The following TYW1 variants were observed in gnomAD, a reference collection of about 807,000 sequenced individuals.
TYW1 encodes the protein S-adenosyl-L-methionine-dependent tRNA 4-demethylwyosine synthase TYW1.
Under a neutral mutation model 96.2 loss-of-function variants are expected in TYW1, and 46 were observed. That is an observed-to-expected ratio of 0.48 (90% CI 0.38 to 0.61). TYW1 has a LOEUF of 0.61. Ranked by LOEUF, TYW1 falls within the 20% of genes least tolerant of loss-of-function variation. TYW1 has a pLI of 0.00. For missense variants in TYW1, 684 were observed against 909.6 expected (o/e 0.75, Z 3.19); for synonymous variants, 274 against 323.0 (o/e 0.85, Z 1.63).
At chr7:67,074,877 G>A (rs1796155754) in intron 10 of TYW1, among the ~76,000 whole-genome samples, 1 of 151,986 alleles carries the variant, frequency 6.6e-6, no homozygotes, top group Non-Finnish European at 1.5e-5. Flanking sequence ...CTGTCACCCA[G>A]GCTGGAGTGC....
intron 5 of TYW1, among the ~76,000 whole-genome samples, chr7:67,015,531 T>C (rs1793985877): frequency 6.6e-6 from 1 of 152,044 alleles, no homozygotes; most frequent in Admixed American, 6.6e-5. Context: ...TTTCAATTTT[T>C]TTAGAGATGA....
rs182955504 is a variant in TYW1, at chr7:67,082,730, T to C, written c.1275-700T>C. Among the ~76,000 whole-genome samples the C allele has an allele frequency of 3.9e-5, 6 of 152,238 alleles. No homozygotes were observed. In the East Asian group the frequency reaches 1.2e-3, roughly 29 times the overall value. ...TCTGTCTTGGGGGTGGTCTCCTTGC[T>C]GTACTGCGCTGCCTGTTTTTTTGGA... On this transcript the variant is annotated intron_variant, in intron 10 of 15. Transcript: ENST00000359626.
intron 3 of TYW1, among the ~76,000 whole-genome samples, chr7:67,007,351 G>A (rs1793634230): frequency 6.6e-6 from 1 of 152,074 alleles, no homozygotes; most frequent in Non-Finnish European, 1.5e-5. Context: ...TGACTGTAGA[G>A]TGTACCTTCC....
At position 67,085,926 on chromosome 7, in the gene TYW1, C is replaced by T. The variant is rs902394664; in HGVS notation, c.1384+2387C>T. Reference sequence around the variant, plus strand: ...CAAAGGTTGCAGTGAGCTGAGTTCACACTCCACTGGACTCCAGCCTGGGTG... The same window carrying T: ...CAAAGGTTGCAGTGAGCTGAGTTCATACTCCACTGGACTCCAGCCTGGGTG... On this transcript the variant is annotated intron_variant, in intron 11 of 15. Transcript: ENST00000359626. Among the ~76,000 whole-genome samples the T allele has an allele frequency of 7.2e-5, 11 of 151,726 alleles. No individual in the cohort carries two copies. In the South Asian group the frequency reaches 1.0e-3, roughly 14 times the overall value.
At chr7:67,228,545 G>T (rs558823040) in intron 15 of TYW1, among the ~76,000 whole-genome samples, 83 of 152,254 alleles carry the variant, frequency 5.5e-4, no homozygotes, top group African/African-American at 1.9e-3. Context: ...TTTCCTAAAG[G>T]TTCTGACCAT....
intron 13 of TYW1, among the ~76,000 whole-genome samples, chr7:67,149,050 G>A (rs536597921): frequency 1.3e-3 from 191 of 152,162 alleles, no homozygotes; most frequent in African/African-American, 4.3e-3. Context: ...ATTTTACCCC[G>A]TTACCAAGTA....
chr7:67,083,723 A>G (rs563560633), intron 11 of TYW1, among the ~76,000 whole-genome samples, 184 bp downstream of exon 11: 1 of 152,328 alleles, frequency 6.6e-6, no homozygotes, highest in African/African-American at 2.4e-5. Flanking sequence ...CATATGATGG[A>G]AGAACTAAAA....
intron 15 of TYW1, among the ~76,000 whole-genome samples, chr7:67,201,738 CT>C (rs199818844): frequency 0.04 from 6,046 of 152,218 alleles, 177 homozygotes; most frequent in Middle Eastern, 0.088. Context: ...ATCCAAAATG[CT>C]TTGAAATTAA....
intron 8 of TYW1, among the ~76,000 whole-genome samples, chr7:67,054,554 A>T (rs1795452937): frequency 6.6e-6 from 1 of 152,238 alleles, no homozygotes; most frequent in Non-Finnish European, 1.5e-5. Flanking sequence ...AGAAGAGGAT[A>T]CAAGACAAAG....
At chr7:67,188,827 T>C (rs1367986341) in intron 14 of TYW1, among the ~76,000 whole-genome samples, 4 of 152,170 alleles carry the variant, frequency 2.6e-5, no homozygotes, top group Non-Finnish European at 5.9e-5. Flanking sequence ...TTCACAGATA[T>C]GCCTGGAGCT....
intron 12 of TYW1, among the ~76,000 whole-genome samples, chr7:67,112,299 A>G (rs1251083350): frequency 1.3e-5 from 2 of 152,032 alleles, no homozygotes; most frequent in Non-Finnish European, 2.9e-5. Flanking sequence ...TAGTTCTACA[A>G]TAAAGTATGC....
At chr7:67,138,198 C>T (rs34126698) in intron 13 of TYW1, among the ~76,000 whole-genome samples, 4 of 152,176 alleles carry the variant, frequency 2.6e-5, no homozygotes, top group African/African-American at 7.2e-5. Flanking sequence ...GGGAATAGTG[C>T]GTATTGAACT....
rs576113163 is a variant in TYW1 at position 66,996,878 on chromosome 7, C to G, written c.-101C>G. 29 of 1,592,068 alleles carry G rather than the reference C, an allele frequency of 1.8e-5. No homozygotes were observed. Among genetic ancestry groups the G allele is most frequent in the South Asian group, 5.6e-5 (5 of 88,654 alleles). ...CACAGGTCTGCAGGCACTCGGTACG[C>G]CGCTAACGCGGCGAGGTAGCTCGGT... On this transcript the variant is annotated 5_prime_UTR_variant, in exon 1 of 16. Transcript: ENST00000359626.
intron 13 of TYW1, among the ~76,000 whole-genome samples, chr7:67,126,342 A>G (rs1482069495): frequency 6.6e-6 from 1 of 151,360 alleles, no homozygotes; most frequent in Non-Finnish European, 1.5e-5. Context: ...TCATTTTCTT[A>G]TTGTTGAGAT....
At chr7:67,166,326 A>T (rs1170646884) in intron 13 of TYW1, among the ~76,000 whole-genome samples, 1 of 120,210 alleles carries the variant, frequency 8.3e-6, no homozygotes, top group Admixed American at 7.9e-5. Flanking sequence ...AATATATAAC[A>T]TATATAATAT....
chr7:67,160,029 C>T (rs1479983988), intron 13 of TYW1, among the ~76,000 whole-genome samples: 2 of 152,228 alleles, frequency 1.3e-5, no homozygotes, highest in East Asian at 3.9e-4. Context: ...GTCTCGATCT[C>T]CTGACCTCGT....
chr7:67,037,585 A>C (rs1003926991), intron 7 of TYW1, among the ~76,000 whole-genome samples: 1 of 151,666 alleles, frequency 6.6e-6, no homozygotes, highest in African/African-American at 2.4e-5. Context: ...AGCTGGGGAC[A>C]AAGGCTAGAC....
rs531992259 is a variant in TYW1 at position 67,155,972 on chromosome 7, A to G, written c.1699-27154A>G. On this transcript the variant is annotated intron_variant, in intron 13 of 15. Coordinates refer to ENST00000359626, the MANE Select transcript of TYW1 (RefSeq NM_018264.4). ...TTTATGACTTTTTTGATTGTAATCA[A>G]TGTCAGTGGTGTCTGAGAGTTCCTC... Among the ~76,000 whole-genome samples the G allele has an allele frequency of 2.6e-5, 4 of 151,922 alleles. No homozygotes were observed. The East Asian group carries it at 7.8e-4, about 30-fold the overall frequency.
chr7:67,230,905 G>T (rs1801733746), intron 15 of TYW1, among the ~76,000 whole-genome samples: 1 of 152,006 alleles, frequency 6.6e-6, no homozygotes, highest in Non-Finnish European at 1.5e-5. Context: ...CTCCCAAAGT[G>T]CTGGGATTAC....
Sources: allele counts gnomAD v4.1 joint callset (sites outside exome capture counted in the v4.1 genomes callset), GRCh38; gene constraint gnomAD v4.1.1; transcripts MANE v1.5; gene names NCBI Gene and HGNC (gene_info 2026-07-23, HGNC 2026-07-21).